ADGRL3: variants seen among roughly 807,000 people sequenced by gnomAD.
ADGRL3 encodes the protein adhesion G protein-coupled receptor L3, also known as calcium-independent alpha-latrotoxin receptor 3.
In ADGRL3, 62 loss-of-function variants were observed where a neutral mutation model predicts 153.5. That is an observed-to-expected ratio of 0.40 (90% CI 0.33 to 0.50). ADGRL3 has a LOEUF of 0.50. ADGRL3 is among the 20% of genes least tolerant of loss of function. The probability of loss-of-function intolerance (pLI) is 0.47; values close to 1 mark genes in which losing one functional copy is unlikely to be tolerated. For missense variants in ADGRL3, 1,641 were observed against 1,859.4 expected (o/e 0.88, Z 2.16); for synonymous variants, 710 against 672.5 (o/e 1.06, Z -0.86).
chr4:61,993,687 GTC>G (rs140232617), intron 19 of ADGRL3, among the ~76,000 whole-genome samples: 8 of 148,604 alleles, frequency 5.4e-5, no homozygotes, highest in Admixed American at 2.0e-4. Flanking sequence ...TTTCTTTTCT[GTC>G]TCTCTCTCTC....
intron 1 of ADGRL3, among the ~76,000 whole-genome samples, chr4:61,293,465 A>C (rs1304294995): frequency 1.3e-5 from 2 of 152,136 alleles, no homozygotes; most frequent in Non-Finnish European, 2.9e-5. Flanking sequence ...TGATATCAAA[A>C]CTGTACTTTA....
Position 61,635,774 on chromosome 4 carries a change from T to A in ADGRL3, c.474-41052T>A, listed in dbSNP as rs534994879. ...TCCAAGATCAAGTTGATGACAGGGA[T>A]GTTTTTTCCTGAAATCTCTTTCCTT... On this transcript the variant is annotated intron_variant, in intron 5 of 26. Coordinates refer to ENST00000683033, the MANE Select transcript of ADGRL3 (RefSeq NM_001387552.1). Among the ~76,000 whole-genome samples, 125 of 152,180 alleles carry A rather than the reference T, an allele frequency of 8.2e-4. 1 individual carries two copies. Among genetic ancestry groups the A allele is most frequent in the Admixed American group, 3.1e-3 (47 of 15,286 alleles).
intron 11 of ADGRL3, chr4:61,906,244 C>T (rs1227550762): frequency 6.6e-6 from 1 of 151,814 alleles, no homozygotes; most frequent in Non-Finnish European, 1.5e-5. Flanking sequence ...AACAATATAT[C>T]CTGAAGACTA....
chr4:61,766,220 A>C (rs546500651), intron 8 of ADGRL3, among the ~76,000 whole-genome samples: 1 of 152,250 alleles, frequency 6.6e-6, no homozygotes, highest in East Asian at 1.9e-4. Context: ...GGGAGACTCA[A>C]CAAAGAGTGG....
intron 1 of ADGRL3, among the ~76,000 whole-genome samples, chr4:61,355,071 G>A (rs923714568): frequency 1.3e-5 from 2 of 152,070 alleles, no homozygotes; most frequent in African/African-American, 4.8e-5. Context: ...TGGGAGCAGA[G>A]ACTTCTTATT....
At chr4:61,505,381 T>A (rs913301574) in intron 3 of ADGRL3, among the ~76,000 whole-genome samples, 5 of 152,114 alleles carry the variant, frequency 3.3e-5, no homozygotes, top group African/African-American at 9.7e-5. Context: ...GTCTCCTCAC[T>A]TTTTTATTGT....
At chr4:61,949,493 T>C (rs1438139409) in intron 17 of ADGRL3, among the ~76,000 whole-genome samples, 1 of 151,738 alleles carries the variant, frequency 6.6e-6, no homozygotes, top group Non-Finnish European at 1.5e-5. Flanking sequence ...GGGTCAGGAG[T>C]TAGAGACCAG....
At chr4:61,592,806 C>A (rs2149419839) in intron 5 of ADGRL3, among the ~76,000 whole-genome samples, 1 of 152,188 alleles carries the variant, frequency 6.6e-6, no homozygotes, top group South Asian at 2.1e-4. Flanking sequence ...TCAAATATTT[C>A]ATTATGGCTT....
intron 9 of ADGRL3, among the ~76,000 whole-genome samples, chr4:61,866,132 G>C (rs1667325013): frequency 1.3e-5 from 2 of 152,160 alleles, no homozygotes; most frequent in Non-Finnish European, 2.9e-5. Context: ...CCCTGCCCCT[G>C]AGAAATTTAT....
intron 2 of ADGRL3, among the ~76,000 whole-genome samples, chr4:61,483,652 G>A (rs1232169865): frequency 6.6e-6 from 1 of 152,020 alleles, no homozygotes; most frequent in Non-Finnish European, 1.5e-5. Flanking sequence ...CAGGATAATT[G>A]CTTGAACTCG....
intron 8 of ADGRL3, among the ~76,000 whole-genome samples, chr4:61,737,572 AAAT>A (rs2096533925): frequency 6.6e-6 from 1 of 152,176 alleles, no homozygotes; most frequent in Admixed American, 6.5e-5. Flanking sequence ...AAAATGGAAA[AAAT>A]AACTCCAACC....
At chr4:62,035,615 C>A (rs1213621188) in intron 23 of ADGRL3, among the ~76,000 whole-genome samples, 1 of 152,052 alleles carries the variant, frequency 6.6e-6, no homozygotes, top group Non-Finnish European at 1.5e-5. Context: ...TTTAAGCCTT[C>A]TCAAGTTCTA....
chr4:61,330,565 A>G lies in ADGRL3; in HGVS notation c.-239-52559A>G, dbSNP rs559479580. Among the ~76,000 whole-genome samples the G allele has an allele frequency of 1.4e-4, 22 of 152,132 alleles. No homozygotes were observed. The South Asian group carries it at 4.2e-3, about 29-fold the overall frequency. ...GTCTCCATAATCATGTTGTGTCCTG[A>G]GTTGGTTCCTTCTGGTGGGTTCTTG... is the stretch of plus-strand genomic sequence containing the variant. On this transcript the variant is annotated intron_variant, in intron 1 of 26. Coordinates refer to ENST00000683033, the MANE Select transcript of ADGRL3 (RefSeq NM_001387552.1).
chr4:61,601,205 C>A (rs541397275), intron 5 of ADGRL3, among the ~76,000 whole-genome samples: 3 of 152,074 alleles, frequency 2.0e-5, no homozygotes, highest in Non-Finnish European at 2.9e-5. Flanking sequence ...TTACCGAATG[C>A]GCCAAAAATC....
intron 8 of ADGRL3, among the ~76,000 whole-genome samples, chr4:61,771,159 T>C (rs945800895): frequency 1.3e-5 from 2 of 152,208 alleles, no homozygotes; most frequent in Non-Finnish European, 2.9e-5. Flanking sequence ...TCCCTCCATA[T>C]TGATTTATTT....
intron 3 of ADGRL3, among the ~76,000 whole-genome samples, chr4:61,505,001 T>C (rs1230993906): frequency 2.0e-5 from 3 of 152,154 alleles, no homozygotes; most frequent in African/African-American, 7.2e-5. Flanking sequence ...GATCATACAG[T>C]AGTTCTTTTA....
intron 8 of ADGRL3, among the ~76,000 whole-genome samples, chr4:61,754,776 C>A (rs900586107): frequency 2.0e-5 from 3 of 152,118 alleles, no homozygotes; most frequent in East Asian, 1.9e-4. Context: ...CCCCTCCCCC[C>A]ACACCAAAAT....
intron 12 of ADGRL3, among the ~76,000 whole-genome samples, chr4:61,910,533 A>C (rs1380800509): frequency 6.6e-6 from 1 of 151,478 alleles, no homozygotes. Context: ...CAGGTGGTGA[A>C]TTAACCCCAT....
chr4:61,361,983 A>T (rs910625788), intron 1 of ADGRL3, among the ~76,000 whole-genome samples: 22 of 148,946 alleles, frequency 1.5e-4, no homozygotes, highest in East Asian at 9.7e-4. Flanking sequence ...CATATATATA[A>T]AAATATATAT....
Sources: allele counts gnomAD v4.1 joint callset (sites outside exome capture counted in the v4.1 genomes callset), GRCh38; gene constraint gnomAD v4.1.1; transcripts MANE v1.5; gene names NCBI Gene and HGNC (gene_info 2026-07-23, HGNC 2026-07-21).